The following FAAH variants were observed in gnomAD, a reference collection of about 807,000 sequenced individuals.
The protein encoded by FAAH is fatty-acid amide hydrolase 1.
FAAH carries 63 observed loss-of-function variants against 69.7 expected under a neutral mutation model. The observed-to-expected ratio is 0.90, with a 90% CI of 0.74 to 1.12. FAAH has a LOEUF of 1.12. Ranked by LOEUF, FAAH falls within the 50% of genes most tolerant of loss-of-function variation. The probability of loss-of-function intolerance (pLI) is 0.00; values close to 1 mark genes in which losing one functional copy is unlikely to be tolerated. For synonymous variants in FAAH, 305 were observed against 324.2 expected (o/e 0.94, Z 0.64); for missense variants, 680 against 755.0 (o/e 0.90, Z 1.16).
In FAAH at chr1:46,405,077, C is replaced by T. The variant is rs1569814701; in HGVS notation, c.373C>T (p.Leu125=). 2 of 1,614,022 alleles carry T rather than the reference C, an allele frequency of 1.2e-6. No homozygotes were observed. The highest frequency in any genetic ancestry group is 2.2e-5 in the East Asian group (1 of 44,890). The change falls in exon 3 of 15, where the codon CTG becomes TTG. Residue 125 remains leucine, a synonymous_variant. Transcript: ENST00000243167. This position sits in a 1 kb window ranked among gnomAD's most constrained non-coding sequence, Gnocchi z 4.1. The part of the protein sequence containing the change: ...TSYLADCETQ[L]SQAPRQGLLY... ...CTATCTGGCTGACTGTGAGACTCAG[C>T]TGTCTCAGGCCCCAAGGCAGGGCCT... is the stretch of plus-strand genomic sequence containing the variant.
At chr1:46,394,694 C>T (rs1250917356) in intron 1 of FAAH, 151 bp downstream of exon 1, 2 of 703,930 alleles carry the variant, frequency 2.8e-6, no homozygotes, top group Non-Finnish European at 3.9e-6. Context: ...ATATTCCGCA[C>T]TTTCTGAGCC....
intron 9 of FAAH, among the ~76,000 whole-genome samples, chr1:46,409,604 C>G (rs966926056): frequency 2.6e-5 from 4 of 152,134 alleles, no homozygotes; most frequent in African/African-American, 4.8e-5. Context: ...TCAGCTTTCT[C>G]TCCTGTAAAG....
intron 1 of FAAH, among the ~76,000 whole-genome samples, chr1:46,395,649 C>T (rs527686689): frequency 9.2e-5 from 14 of 152,322 alleles, no homozygotes; most frequent in African/African-American, 3.4e-4. Context: ...TTGGGAACCG[C>T]AGGACTCAGG....
At position 46,405,271 on chromosome 1, in the gene FAAH, C is replaced by T. The variant is rs1323618212; in HGVS notation, c.445-101C>T. On this transcript the variant is annotated intron_variant, in intron 3 of 14. Coordinates refer to ENST00000243167, the MANE Select transcript of FAAH (RefSeq NM_001441.3). This position sits in a 1 kb window ranked among gnomAD's most constrained non-coding sequence, Gnocchi z 4.1. ...GGTCCAGAGGCCTTCCGAGGGGACA[C>T]TGGTATACCTGTTTTGGCCTGTGTG... The T allele has an allele frequency of 3.1e-6, 5 of 1,607,420 alleles. No individual in the cohort carries two copies. The highest frequency in any genetic ancestry group is 4.2e-6 in the Non-Finnish European group (5 of 1,179,038).
intron 14 of FAAH, 70 bp from the exon 15 acceptor site, chr1:46,413,377 G>A: frequency 1.2e-6 from 2 of 1,612,536 alleles, no homozygotes. Flanking sequence ...CTCTAGCTGG[G>A]TGCTTCCTGG....
chr1:46,399,877 C>T (rs558993360), intron 1 of FAAH, among the ~76,000 whole-genome samples: 4 of 152,136 alleles, frequency 2.6e-5, no homozygotes, highest in East Asian at 1.9e-4. Flanking sequence ...AAGAGTACAC[C>T]AGAAACTGTT....
chr1:46,402,418 A>T (rs1664720783), intron 2 of FAAH, among the ~76,000 whole-genome samples: 1 of 152,236 alleles, frequency 6.6e-6, no homozygotes, highest in Non-Finnish European at 1.5e-5. Context: ...TGTGTATGAG[A>T]CACTGAGCAT....
In FAAH at chr1:46,409,285, G is replaced by A. The variant is rs1664857837; in HGVS notation, c.1175+87G>A. 4 of 1,046,184 alleles carry A rather than the reference G, an allele frequency of 3.8e-6. No homozygotes were observed. In the Admixed American group the frequency reaches 5.2e-5, roughly 14 times the overall value. 64.8% of individuals were successfully genotyped at this position (1,046,184 alleles called of 1,614,324 possible). On this transcript the variant is annotated intron_variant, in intron 9 of 14. Transcript: ENST00000243167. ...CAGCAGGGTGTGGTGATGCCTGGAT[G>A]GGCCTTAGCTGAATCCAACAAAGGC...
At chr1:46,402,333 G>A in intron 2 of FAAH, 129 bp downstream of exon 2, 1 of 806,618 alleles carries the variant, frequency 1.2e-6, no homozygotes, top group East Asian at 2.7e-5. Flanking sequence ...CCTGCTGGGG[G>A]CCATGGTGGG....
Position 46,406,306 on chromosome 1 carries a change from C to G in FAAH, c.889C>G (p.Leu297Val). The change falls in exon 7 of 15, where the codon CTG becomes GTG. Residue 297 changes from leucine (L) to valine (V), a missense_variant. Transcript: ENST00000243167. ...VESLALCLRA[L>V]LCEDMFRLDP... ...GAGCCTGGCACTGTGCCTGCGAGCC[C>G]TGCTGTGTGAGGACATGTTCCGCTT... 2 of 1,613,894 alleles carry G rather than the reference C, an allele frequency of 1.2e-6. No individual in the cohort carries two copies. The highest frequency in any genetic ancestry group is 1.7e-6 in the Non-Finnish European group (2 of 1,179,848).
At chr1:46,406,596 T>G (rs1263739446) in intron 7 of FAAH, among the ~76,000 whole-genome samples, 1 of 147,192 alleles carries the variant, frequency 6.8e-6, no homozygotes, top group Non-Finnish European at 1.5e-5. Flanking sequence ...TTTTTTTTTT[T>G]TTTTGAGACT....
In FAAH at chr1:46,410,799, G is replaced by A. The variant is rs200258474; in HGVS notation, c.1276-15G>A. The stretch of plus-strand genomic sequence containing the variant: ...CCCAGAGCTGAGTCACCGACCCTGC[G>A]TCTGTCCTGTGCAGCTGCCAAGGCT... On this transcript the variant is annotated splice_polypyrimidine_tract_variant and intron_variant, in intron 10 of 14. Coordinates refer to ENST00000243167, the MANE Select transcript of FAAH (RefSeq NM_001441.3). This position sits in a 1 kb window ranked among gnomAD's most constrained non-coding sequence, Gnocchi z 4.9. 92 of 1,614,088 alleles carry A rather than the reference G, an allele frequency of 5.7e-5. No individual in the cohort carries two copies. Among genetic ancestry groups the A allele is most frequent in the Middle Eastern group, 3.3e-4 (2 of 6,084 alleles).
intron 1 of FAAH, among the ~76,000 whole-genome samples, chr1:46,395,973 C>CCCTG (rs1284101483): frequency 5.3e-5 from 8 of 151,710 alleles, no homozygotes; most frequent in Admixed American, 2.0e-4. Context: ...AACAGTGGGC[C>CCCTG]CAGGGGACCA....
chr1:46,399,688 T>C lies in FAAH; in HGVS notation c.196-2403T>C, dbSNP rs569299968. On this transcript the variant is annotated intron_variant, in intron 1 of 14. Coordinates refer to ENST00000243167, the MANE Select transcript of FAAH (RefSeq NM_001441.3). Reference sequence around the variant, plus strand: ...CCATACTCTTAGGCATTTTTTAAAATACAATGAACCTGTATTTATATAATG... The same window carrying C: ...CCATACTCTTAGGCATTTTTTAAAACACAATGAACCTGTATTTATATAATG... Among the ~76,000 whole-genome samples the C allele has an allele frequency of 2.6e-5, 4 of 152,312 alleles. No individual in the cohort carries two copies. The South Asian group carries it at 8.3e-4, about 32-fold the overall frequency.
In FAAH at chr1:46,405,180, G is replaced by C; in HGVS notation, c.444+32G>C. ...TCTGCCTCAGCGCCAGGCCTCCATC[G>C]TCCCCTCCATCCCTGCCAGCCTGCT... On this transcript the variant is annotated intron_variant, in intron 3 of 14. Coordinates refer to ENST00000243167, the MANE Select transcript of FAAH (RefSeq NM_001441.3). This position sits in a 1 kb window ranked among gnomAD's most constrained non-coding sequence, Gnocchi z 4.1. 6.2e-7 allele frequency: 1 copy of C among 1,613,418 alleles called. No individual in the cohort carries two copies. The highest frequency in any genetic ancestry group is 8.5e-7 in the Non-Finnish European group (1 of 1,180,032).
chr1:46,406,173 C>G (rs1569816763), intron 6 of FAAH, 71 bp from the exon 7 acceptor site: 1 of 1,613,612 alleles, frequency 6.2e-7, no homozygotes, highest in Non-Finnish European at 8.5e-7. Flanking sequence ...CAGTGTCTGG[C>G]CCCCAGGCTG....
intron 9 of FAAH, 112 bp downstream of exon 9, chr1:46,409,310 C>A (rs988085903): frequency 1.3e-5 from 11 of 839,378 alleles, no homozygotes; most frequent in African/African-American, 3.3e-5. Context: ...CCAACAAAGG[C>A]CTGAGCACTC....
intron 1 of FAAH, 87 bp downstream of exon 1, chr1:46,394,630 G>T: frequency 8.7e-7 from 1 of 1,145,060 alleles, no homozygotes; most frequent in Non-Finnish European, 1.1e-6. Flanking sequence ...AGGGACAGGG[G>T]ATGGGGCGGG....
intron 1 of FAAH, among the ~76,000 whole-genome samples, chr1:46,394,746 C>T (rs1024167249): frequency 6.6e-6 from 1 of 152,222 alleles, no homozygotes; most frequent in Non-Finnish European, 1.5e-5. Context: ...AGTGTCAAGG[C>T]AGGTGGTGGA....
Sources: gnomAD v4.1 joint callset for allele counts (sites outside exome capture counted in the v4.1 genomes callset) on GRCh38, gnomAD v4.1.1 for gene constraint, Gnocchi (gnomAD v3.1) non-coding constraint, MANE v1.5 for transcripts, NCBI Gene and HGNC (gene_info 2026-07-23, HGNC 2026-07-21) for gene names.